Variants in DPH6 observed in about 807,000 individuals in gnomAD.
The protein encoded by DPH6 is diphthamine biosynthesis 6.
DPH6 carries 33 observed loss-of-function variants against 38.2 expected under a neutral mutation model. That is an observed-to-expected ratio of 0.86 (90% CI 0.65 to 1.15). DPH6 has a LOEUF of 1.15. DPH6 is among the 50% of genes most tolerant of loss of function. DPH6 has a pLI of 0.00. For synonymous variants in DPH6, 108 were observed against 103.0 expected, an observed-to-expected ratio of 1.05 and a Z score of -0.30; for missense variants, 325 against 320.0, an observed-to-expected ratio of 1.02 and a Z score of -0.12.
chr15:35,512,788 T>C (rs1475744084), intron 3 of DPH6, among the ~76,000 whole-genome samples: 4 of 152,158 alleles, frequency 2.6e-5, no homozygotes, highest in African/African-American at 9.6e-5. Context: ...GTATTATTTA[T>C]AGAAATCAAC....
chr15:35,246,300 T>G (rs2051637564), intron 3 of DPH6, among the ~76,000 whole-genome samples: 1 of 152,224 alleles, frequency 6.6e-6, no homozygotes, highest in African/African-American at 2.4e-5. Flanking sequence ...CAGTTATTTC[T>G]TCATTCATTC....
intron 3 of DPH6, among the ~76,000 whole-genome samples, chr15:35,283,882 G>A (rs2051920134): frequency 6.6e-6 from 1 of 151,964 alleles, no homozygotes; most frequent in East Asian, 1.9e-4. Flanking sequence ...ATAAATTGAT[G>A]GTGGGGAGAA....
downstream of DPH6, among the ~76,000 whole-genome samples, chr15:35,328,089 G>A (rs925637724): frequency 2.6e-5 from 4 of 152,100 alleles, no homozygotes; most frequent in Admixed American, 2.6e-4. Flanking sequence ...CCATGTACTT[G>A]GACGAAGTCA....
At chr15:35,216,590 T>C (rs2051411761), downstream of DPH6, among the ~76,000 whole-genome samples, 1 of 152,232 alleles carries the variant, frequency 6.6e-6, no homozygotes, top group Middle Eastern at 3.2e-3. Flanking sequence ...TACAGTTACA[T>C]GTAGCATAAA....
At chr15:35,351,385 A>T (rs1433811406) in intron 3 of DPH6, among the ~76,000 whole-genome samples, 1 of 152,052 alleles carries the variant, frequency 6.6e-6, no homozygotes, top group African/African-American at 2.4e-5. Flanking sequence ...TTGACTTGGG[A>T]AATTAGTACA....
At chr15:35,332,339 AAGAG>A (rs1007005619) in intron 3 of DPH6, among the ~76,000 whole-genome samples, 1 of 152,196 alleles carries the variant, frequency 6.6e-6, no homozygotes, top group Non-Finnish European at 1.5e-5. Flanking sequence ...ATGATGCTAA[AAGAG>A]AGAAAGAAAA....
At chr15:35,454,557 C>T (rs56657312) in intron 4 of DPH6, among the ~76,000 whole-genome samples, 190 bp downstream of exon 4, 1,941 of 152,134 alleles carry the variant, frequency 0.013, 43 homozygotes, top group African/African-American at 0.044. Context: ...TAAGTTTCCT[C>T]ATGTGAGATA....
intron 3 of DPH6, among the ~76,000 whole-genome samples, chr15:35,529,366 A>G (rs1444403537): frequency 6.6e-6 from 1 of 152,154 alleles, no homozygotes; most frequent in Non-Finnish European, 1.5e-5. Context: ...AGATCTCAGG[A>G]GAACTCTATC....
intron 6 of DPH6, among the ~76,000 whole-genome samples, chr15:35,407,181 G>A (rs1344104897): frequency 6.6e-6 from 1 of 151,976 alleles, no homozygotes; most frequent in Non-Finnish European, 1.5e-5. Context: ...GAATTACCTC[G>A]TGCTTGTTTA....
intron 6 of DPH6, among the ~76,000 whole-genome samples, chr15:35,384,667 AAAAT>A (rs150073937): frequency 0.33 from 49,860 of 151,574 alleles, 9,099 homozygotes; most frequent in African/African-American, 0.49. Context: ...CTGTCTCAAA[AAAAT>A]AAAAATAAAA....
intron 6 of DPH6, among the ~76,000 whole-genome samples, chr15:35,398,989 A>C (rs146031070): frequency 1.1e-3 from 166 of 152,318 alleles, no homozygotes; most frequent in African/African-American, 3.8e-3. Context: ...ATTCCCCTAT[A>C]GTAAAACTCA....
chr15:35,466,868 C>T (rs1304461051), intron 3 of DPH6, among the ~76,000 whole-genome samples: 1 of 152,014 alleles, frequency 6.6e-6, no homozygotes, highest in Non-Finnish European at 1.5e-5. Flanking sequence ...AGTAAAAATA[C>T]AATTAAAAAG....
intron 3 of DPH6, 87 bp downstream of exon 3, chr15:35,538,186 CA>C (rs1289930872): frequency 8.1e-7 from 1 of 1,227,030 alleles, no homozygotes. Context: ...CTAACAATTG[CA>C]AATTACGGAT....
At chr15:35,211,220 A>G in the DPH6 span, among the ~76,000 whole-genome samples, 1 of 152,146 alleles carries the variant, frequency 6.6e-6, no homozygotes, top group Non-Finnish European at 1.5e-5. Context: ...GTGGTGAATA[A>G]AAACTTTTTC....
chr15:35,542,967 A>ATATATATATATATATATAT (rs1566946762), intron 1 of DPH6, among the ~76,000 whole-genome samples: 12 of 15,556 alleles, frequency 7.7e-4, no homozygotes, highest in African/African-American at 1.1e-3. Flanking sequence ...TATATATATA[A>ATATATATATATATATATAT]AATAATTTCA....
the DPH6 span, among the ~76,000 whole-genome samples, chr15:35,201,824 A>G: frequency 6.6e-6 from 1 of 151,674 alleles, no homozygotes; most frequent in Non-Finnish European, 1.5e-5. Flanking sequence ...AATTCTTTTC[A>G]GTACCAGTGG....
intron 5 of DPH6, among the ~76,000 whole-genome samples, chr15:35,448,860 T>C (rs2053890977): frequency 6.6e-6 from 1 of 151,944 alleles, no homozygotes; most frequent in Non-Finnish European, 1.5e-5. Flanking sequence ...ACCATAATTA[T>C]AAAAAATATA....
intron 3 of DPH6, among the ~76,000 whole-genome samples, chr15:35,359,722 G>T (rs2052597675): frequency 6.6e-6 from 1 of 152,140 alleles, no homozygotes; most frequent in South Asian, 2.1e-4. Context: ...GTTTTGGGCG[G>T]GGGGACTCCT....
At chr15:35,225,684 G>A (rs1034056234) in intron 3 of DPH6, among the ~76,000 whole-genome samples, 2 of 152,020 alleles carry the variant, frequency 1.3e-5, no homozygotes, top group Admixed American at 6.6e-5. Context: ...TTTCTATTAA[G>A]CTATCGTATT....
Sources: allele counts gnomAD v4.1 joint callset (sites outside exome capture counted in the v4.1 genomes callset), GRCh38; gene constraint gnomAD v4.1.1; transcripts MANE v1.5; gene names NCBI Gene and HGNC (gene_info 2026-07-23, HGNC 2026-07-21).